Variants in VAPA observed in about 807,000 individuals in gnomAD.
VAPA encodes vesicle-associated membrane protein-associated protein A.
A neutral mutation model predicts 25.6 loss-of-function variants in VAPA; 6 were observed. That is an observed-to-expected ratio of 0.23 (90% CI 0.13 to 0.46). The LOEUF (loss-of-function observed/expected upper bound fraction) is 0.46. Among genes scored for constraint, VAPA ranks in the 20% least tolerant of loss-of-function variants. VAPA has a pLI of 0.99. For synonymous variants in VAPA, 112 were observed against 106.2 expected (o/e 1.05, Z -0.34); for missense variants, 244 against 302.1 (o/e 0.81, Z 1.43).
At chr18:9,914,392 G>A in intron 1 of VAPA, 57 bp downstream of exon 1, 1 of 1,472,136 alleles carries the variant, frequency 6.8e-7, no homozygotes, top group Admixed American at 2.4e-5. Context: ...GCTGGCTGTC[G>A]GCGGGGGGGC....
intron 4 of VAPA, 156 bp from the exon 5 acceptor site, chr18:9,950,239 C>G: frequency 1.5e-6 from 1 of 668,586 alleles, no homozygotes; most frequent in Non-Finnish European, 2.5e-6. Flanking sequence ...AGGGAGTGGG[C>G]TGGTTATTTA....
intron 1 of VAPA, among the ~76,000 whole-genome samples, chr18:9,925,602 C>T (rs2069194185): frequency 6.6e-6 from 1 of 151,642 alleles, no homozygotes; most frequent in Non-Finnish European, 1.5e-5. Flanking sequence ...GAAACAAAGA[C>T]CTATTCATGG....
At position 9,958,474 on chromosome 18, in the gene VAPA, A is replaced by G. The variant is rs1008794376; in HGVS notation, c.*4263A>G. 21 of 152,230 alleles carry G rather than the reference A, an allele frequency of 1.4e-4. No individual in the cohort carries two copies. The highest frequency in any genetic ancestry group is 5.1e-4 in the African/African-American group (21 of 41,476). 9.4% of individuals were successfully genotyped at this position (152,230 alleles called of 1,614,324 possible). A position where few individuals can be genotyped will look rare whatever the true frequency, so the allele number is the denominator to read the frequency against. The stretch of plus-strand genomic sequence containing the variant: ...TTCAGATAACTTTTGTAGTAGTGAT[A>G]TTCAACTATAGCAGTACCTTAACTC... On this transcript the variant is annotated 3_prime_UTR_variant, in exon 6 of 6. Coordinates refer to ENST00000400000, the MANE Select transcript of VAPA (RefSeq NM_194434.3).
At chr18:9,923,807 T>C (rs1474495605) in intron 1 of VAPA, 2 of 152,188 alleles carry the variant, frequency 1.3e-5, no homozygotes, top group East Asian at 1.9e-4. Context: ...ATTTTACAAG[T>C]AAGAGGATTT....
At chr18:9,945,003 A>G in intron 4 of VAPA, 1 of 1,614,206 alleles carries the variant, frequency 6.2e-7, no homozygotes, top group South Asian at 1.1e-5. Context: ...CCTGCCAGTT[A>G]TCACACGAAG....
intron 1 of VAPA, among the ~76,000 whole-genome samples, chr18:9,920,293 TTTTC>T (rs919471409): frequency 1.7e-4 from 26 of 152,278 alleles, no homozygotes; most frequent in Non-Finnish European, 2.9e-4. Flanking sequence ...TCTCCTTTTC[TTTTC>T]TTTCTTTCTT....
rs778732447 is a variant in VAPA at position 9,931,969 on chromosome 18, A to G, written c.232+7A>G. The G allele has an allele frequency of 1.9e-6, 3 of 1,567,490 alleles. No individual in the cohort carries two copies. The highest frequency in any genetic ancestry group is 2.3e-5 in the East Asian group (1 of 43,832). ...TCAACTGTGACTGTTTCAGGTAGCAAATCATGTTCTGAATTTATGTACATT... is the reference window on the plus strand; with the variant it reads ...TCAACTGTGACTGTTTCAGGTAGCAGATCATGTTCTGAATTTATGTACATT... On this transcript the variant is annotated splice_region_variant and intron_variant, in intron 2 of 5. Coordinates refer to ENST00000400000, the MANE Select transcript of VAPA (RefSeq NM_194434.3).
At chr18:9,942,980 T>G (rs1021548726) in intron 4 of VAPA, among the ~76,000 whole-genome samples, 1 of 152,196 alleles carries the variant, frequency 6.6e-6, no homozygotes, top group African/African-American at 2.4e-5. Flanking sequence ...AGGATTTTGA[T>G]CTTTTTATGG....
At chr18:9,951,253 C>G (rs1207787105) in intron 5 of VAPA, 1 of 152,318 alleles carries the variant, frequency 6.6e-6, no homozygotes, top group Admixed American at 6.5e-5. Flanking sequence ...AAGCTCTTCA[C>G]TGTGACTGGA....
chr18:9,943,102 A>G (rs2143396622), intron 4 of VAPA, among the ~76,000 whole-genome samples: 2 of 152,344 alleles, frequency 1.3e-5, no homozygotes, highest in East Asian at 3.9e-4. Flanking sequence ...ATATATAAGT[A>G]AGGAAATGAT....
chr18:9,939,514 C>T (rs2069345129), intron 4 of VAPA, among the ~76,000 whole-genome samples: 2 of 124,970 alleles, frequency 1.6e-5, no homozygotes, highest in Middle Eastern at 9.3e-3. Flanking sequence ...GTTACGTTTC[C>T]TCTCTTTTTT....
chr18:9,936,647 A>G (rs1248714698), intron 3 of VAPA: 1 of 247,752 alleles, frequency 4.0e-6, no homozygotes, highest in African/African-American at 2.3e-5. Context: ...CCCAGGAGGC[A>G]TGGGAGGATT....
At chr18:9,922,264 C>G (rs541655034) in intron 1 of VAPA, among the ~76,000 whole-genome samples, 19 of 152,280 alleles carry the variant, frequency 1.2e-4, no homozygotes, top group Admixed American at 1.0e-3. Flanking sequence ...GCTACCATAC[C>G]TGGCCTGCCT....
intron 1 of VAPA, among the ~76,000 whole-genome samples, chr18:9,917,653 C>A (rs1024905754): frequency 5.9e-5 from 9 of 152,154 alleles, no homozygotes; most frequent in Admixed American, 5.9e-4. Context: ...CAAATATATT[C>A]TTAATGATCA....
At position 9,914,016 on chromosome 18, in the gene VAPA, G is replaced by A; in HGVS notation, c.-241G>A. 2.3e-6 allele frequency: 1 copy of A among 441,198 alleles called. No individual in the cohort carries two copies. The highest frequency in any genetic ancestry group is 4.1e-6 in the Non-Finnish European group (1 of 246,098). 27.3% of individuals were successfully genotyped at this position (441,198 alleles called of 1,614,324 possible). On this transcript the variant is annotated 5_prime_UTR_variant, in exon 1 of 6. Coordinates refer to ENST00000400000, the MANE Select transcript of VAPA (RefSeq NM_194434.3). ...CGCAGAGGCCGTCACGTGGGTCGCC[G>A]AGGCTCGCAAGTGCGCGTGGCCGTG... is the stretch of plus-strand genomic sequence containing the variant.
chr18:9,953,478 T>C (rs1424158527), intron 5 of VAPA, among the ~76,000 whole-genome samples: 1 of 152,232 alleles, frequency 6.6e-6, no homozygotes, highest in Admixed American at 6.5e-5. Flanking sequence ...CTAAACTGTT[T>C]CCTTCCCCCA....
rs191409513 is a variant in VAPA, at chr18:9,947,272, G to A, written c.418-3123G>A. On this transcript the variant is annotated intron_variant, in intron 4 of 5. Coordinates refer to ENST00000400000, the MANE Select transcript of VAPA (RefSeq NM_194434.3). ...ATAGTCATTTATTACCAAGTATTCT[G>A]TATTGTACATAAATCATATGTGCAA... Among the ~76,000 whole-genome samples, 99 of 152,274 alleles carry A rather than the reference G, an allele frequency of 6.5e-4. 1 individual carries two copies. The highest frequency in any genetic ancestry group is 1.4e-3 in the Admixed American group (22 of 15,290).
At chr18:9,923,674 G>A (rs2069175861) in intron 1 of VAPA, among the ~76,000 whole-genome samples, 1 of 151,944 alleles carries the variant, frequency 6.6e-6, no homozygotes. Flanking sequence ...ACTTTTTAAA[G>A]CCTGTAGGGC....
chr18:9,956,062 A>C lies in VAPA; in HGVS notation c.*1851A>C, dbSNP rs1567905521. ...ATCTCATAGCTATCTTTTTTTAAAGAAATTAAGTTCTTGAAAATTTAGCCA... is the reference window on the plus strand; with the variant it reads ...ATCTCATAGCTATCTTTTTTTAAAGCAATTAAGTTCTTGAAAATTTAGCCA... On this transcript the variant is annotated 3_prime_UTR_variant, in exon 6 of 6. Coordinates refer to ENST00000400000, the MANE Select transcript of VAPA (RefSeq NM_194434.3). The C allele has an allele frequency of 6.6e-6, 1 of 152,150 alleles. No individual in the cohort carries two copies. The highest frequency in any genetic ancestry group is 1.5e-5 in the Non-Finnish European group (1 of 68,018). 9.4% of individuals were successfully genotyped at this position (152,150 alleles called of 1,614,324 possible).
Sources: allele counts gnomAD v4.1 joint callset (sites outside exome capture counted in the v4.1 genomes callset), GRCh38; gene constraint gnomAD v4.1.1; transcripts MANE v1.5; gene names NCBI Gene and HGNC (gene_info 2026-07-23, HGNC 2026-07-21).